SIRT3: variants seen among roughly 807,000 people sequenced by gnomAD.
SIRT3 encodes the protein NAD-dependent protein deacetylase sirtuin-3, mitochondrial.
SIRT3 carries 26 observed loss-of-function variants against 33.5 expected under a neutral mutation model. That is an observed-to-expected ratio of 0.78 (90% CI 0.57 to 1.08). The LOEUF (loss-of-function observed/expected upper bound fraction) is 1.08, where lower values mean the gene tolerates loss of function less well. Among genes scored for constraint, SIRT3 ranks in the 50% least tolerant of loss-of-function variants. SIRT3 has a pLI of 0.00. For missense variants in SIRT3, 585 were observed against 530.1 expected, an observed-to-expected ratio of 1.10 and a Z score of -1.02; for synonymous variants, 237 against 222.1, an observed-to-expected ratio of 1.07 and a Z score of -0.60.
chr11:235,201 T>C (rs1170040727), intron 1 of SIRT3, among the ~76,000 whole-genome samples: 2 of 54,996 alleles, frequency 3.6e-5, no homozygotes, highest in African/African-American at 2.3e-4. Context: ...ATTAAACTTT[T>C]TTCTTTTTTT....
At position 233,468 on chromosome 11, in the gene SIRT3, G is replaced by A; in HGVS notation, c.348C>T (p.Gly116=). ...GGGAAAGCTTCCCCTTGTCACTGCT[G>A]CCTCCACTTCCAACAACACTTGAAG... ...VGASSVVGSG[G]SSDKGKLSLQ... Residue 116 remains glycine, a synonymous_variant, in exon 2 of 7, where the codon GGC becomes GGT. Coordinates refer to ENST00000382743, the MANE Select transcript of SIRT3 (RefSeq NM_012239.6). The A allele has an allele frequency of 6.2e-7, 1 of 1,614,048 alleles. No homozygotes were observed. Among genetic ancestry groups the A allele is most frequent in the African/African-American group, 1.3e-5 (1 of 75,016 alleles).
intron 1 of SIRT3, 63 bp from the exon 2 acceptor site, chr11:233,597 C>T (rs549162921): frequency 2.7e-5 from 41 of 1,545,022 alleles, no homozygotes; most frequent in South Asian, 7.0e-5. Flanking sequence ...ATAGCAAGAA[C>T]GAGCATGGCT....
intron 6 of SIRT3, among the ~76,000 whole-genome samples, chr11:217,601 A>G (rs1022082313): frequency 6.6e-6 from 1 of 152,268 alleles, no homozygotes; most frequent in African/African-American, 2.4e-5. Flanking sequence ...CCCTGCCTCC[A>G]TAATGAAGTG....
In SIRT3 at chr11:215,613, T is replaced by TG. The variant is rs1276745190; in HGVS notation, c.*1084dup. Reference sequence around the variant, plus strand: ...TTCAAGAATGGGAAGTGCTTTTGTCTGGGGAAACACGCAGGTAATGTGATG... The same window carrying TG: ...TTCAAGAATGGGAAGTGCTTTTGTCTGGGGGAAACACGCAGGTAATGTGATG... On this transcript the variant is annotated 3_prime_UTR_variant, in exon 7 of 7. Transcript: ENST00000382743. 6.6e-6 allele frequency: 1 copy of TG among 152,138 alleles called. No individual in the cohort carries two copies. Among genetic ancestry groups the TG allele is most frequent in the African/African-American group, 2.4e-5 (1 of 41,364 alleles). The allele number at this position is 152,138 out of a possible 1,614,324, so 9.4% of individuals were successfully genotyped here. A position where few individuals can be genotyped will look rare whatever the true frequency, so the allele number is the denominator to read the frequency against.
At chr11:230,675 G>T in intron 3 of SIRT3, 123 bp from the exon 4 acceptor site, 1 of 516,614 alleles carries the variant, frequency 1.9e-6, no homozygotes, top group Non-Finnish European at 3.3e-6. Flanking sequence ...GGGTTGTGAT[G>T]TCCTCAAGCC....
intron 4 of SIRT3, among the ~76,000 whole-genome samples, chr11:229,707 C>T (rs1465938782): frequency 6.6e-6 from 1 of 152,034 alleles, no homozygotes; most frequent in Non-Finnish European, 1.5e-5. Flanking sequence ...TGTATTGAGC[C>T]GAAATCGCGC....
At chr11:222,104 C>T (rs983242268) in intron 5 of SIRT3, among the ~76,000 whole-genome samples, 3 of 152,156 alleles carry the variant, frequency 2.0e-5, no homozygotes, top group Non-Finnish European at 2.9e-5. Context: ...GTGGCCAGCA[C>T]GGTCAGCTGG....
rs991887343 is a variant in SIRT3, at chr11:236,320, G to C, written c.9C>G (p.Phe3Leu). The C allele has an allele frequency of 2.0e-6, 3 of 1,509,224 alleles. No individual in the cohort carries two copies. The highest frequency in any genetic ancestry group is 2.6e-6 in the Non-Finnish European group (3 of 1,135,568). 93.5% of individuals were successfully genotyped at this position (1,509,224 alleles called of 1,614,324 possible). Residue 3 changes from phenylalanine to leucine, a missense_variant, in exon 1 of 7, where the codon TTC becomes TTG. Coordinates refer to ENST00000382743, the MANE Select transcript of SIRT3 (RefSeq NM_012239.6). ...GGGCTGCCGCGGCGCGCCAACCCCA[G>C]AACGCCATGTTCCGCGCAGTCCAAG... MA[F>L]WGWRAAAALR... is the part of the protein sequence containing the mutation.
At position 223,744 on chromosome 11, in the gene SIRT3, C is replaced by A; in HGVS notation, c.969+334G>T. On this transcript the variant is annotated intron_variant, in intron 5 of 6. Coordinates refer to ENST00000382743, the MANE Select transcript of SIRT3 (RefSeq NM_012239.6). This position sits in a 1 kb window ranked among gnomAD's most constrained non-coding sequence, Gnocchi z 4.8. ...CTGCTCCCTCAGCCTGGAACCCCAG[C>A]TGAATCCATTCACCTTCCCAAAGTG... The A allele has an allele frequency of 1.1e-6, 1 of 898,254 alleles. No homozygotes were observed. The allele number at this position is 898,254 out of a possible 1,614,324, so 55.6% of individuals were successfully genotyped here.
upstream of SIRT3, chr11:236,363 C>T: frequency 8.2e-7 from 1 of 1,225,778 alleles, no homozygotes; most frequent in Non-Finnish European, 1.0e-6. Flanking sequence ...CCGGACTCGC[C>T]CCGCCCCCGG....
chr11:234,247 C>T (rs1420778916), intron 1 of SIRT3, among the ~76,000 whole-genome samples: 1 of 152,204 alleles, frequency 6.6e-6, no homozygotes, highest in Non-Finnish European at 1.5e-5. Context: ...GAGGGGCAGG[C>T]ATGGGTGCAA....
chr11:235,197 CTT>C (rs1474655646), intron 1 of SIRT3, among the ~76,000 whole-genome samples: 5 of 58,008 alleles, frequency 8.6e-5, no homozygotes, highest in Non-Finnish European at 1.3e-4. Context: ...ATCTATTAAA[CTT>C]TTTTCTTTTT....
chr11:218,922 C>T lies in SIRT3; in HGVS notation c.1089G>A (p.Leu363=), dbSNP rs200898000. 111 of 1,614,056 alleles carry T rather than the reference C, an allele frequency of 6.9e-5. 1 individual carries two copies. Among genetic ancestry groups the T allele is most frequent in the South Asian group, 3.0e-4 (27 of 91,086 alleles). Residue 363 remains leucine, a synonymous_variant, in exon 6 of 7, where the codon CTG becomes CTA. Transcript: ENST00000382743. The stretch of plus-strand genomic sequence containing the variant: ...TTTCCACGCCGTGAACCACGTCCCC[C>T]AGCTGGGCCACGTCCCTGCTGCGAG... ...WHPRSRDVAQ[L]GDVVHGVESL...
At chr11:228,714 A>C (rs1051220965) in intron 4 of SIRT3, among the ~76,000 whole-genome samples, 3 of 141,762 alleles carry the variant, frequency 2.1e-5, no homozygotes, top group African/African-American at 7.4e-5. Context: ...ATTCCAAAAG[A>C]GTGAGAAAAT....
intron 3 of SIRT3, chr11:230,805 A>G (rs1857849155): frequency 3.0e-6 from 1 of 328,230 alleles, no homozygotes; most frequent in East Asian, 4.8e-5. Flanking sequence ...CTCAGTACGA[A>G]AAACCATTTG....
chr11:232,204 G>A (rs777196794), intron 3 of SIRT3, among the ~76,000 whole-genome samples: 59 of 152,014 alleles, frequency 3.9e-4, no homozygotes, highest in Non-Finnish European at 5.7e-4. Context: ...TGCAACCTCC[G>A]CCTGCTGGGT....
intron 3 of SIRT3, among the ~76,000 whole-genome samples, chr11:232,707 C>A (rs1858240641): frequency 6.6e-6 from 1 of 152,126 alleles, no homozygotes; most frequent in African/African-American, 2.4e-5. Context: ...AAAACAATGT[C>A]AACTTCTGCC....
At chr11:226,497 C>T (rs1287529305) in intron 4 of SIRT3, among the ~76,000 whole-genome samples, 2 of 152,088 alleles carry the variant, frequency 1.3e-5, no homozygotes, top group African/African-American at 2.4e-5. Flanking sequence ...CAACTTCTGC[C>T]TCCTGGGTTC....
At position 222,767 on chromosome 11, in the gene SIRT3, C is replaced by G. The variant is rs985868289; in HGVS notation, c.969+1311G>C. On this transcript the variant is annotated intron_variant, in intron 5 of 6. Coordinates refer to ENST00000382743, the MANE Select transcript of SIRT3 (RefSeq NM_012239.6). ...CCCACCTTCTTCTCTGCTCCAGCCC[C>G]GTGGCCATCAATGCTGACTTCGCCC... 4 of 152,636 alleles carry G rather than the reference C, an allele frequency of 2.6e-5. No individual in the cohort carries two copies. In the East Asian group the frequency reaches 7.7e-4, roughly 29 times the overall value. The allele number at this position is 152,636 out of a possible 1,614,324, so 9.5% of individuals were successfully genotyped here. A position where few individuals can be genotyped will look rare whatever the true frequency, so the allele number is the denominator to read the frequency against.
Sources: allele counts gnomAD v4.1 joint callset (sites outside exome capture counted in the v4.1 genomes callset), GRCh38; gene constraint gnomAD v4.1.1; non-coding constraint Gnocchi (gnomAD v3.1); transcripts MANE v1.5; gene names NCBI Gene and HGNC (gene_info 2026-07-23, HGNC 2026-07-21).